The following MYO10 variants were observed in gnomAD, a reference collection of about 807,000 sequenced individuals.
MYO10 encodes the protein myosin X.
In MYO10, 133 loss-of-function variants were observed where a neutral mutation model predicts 257.3. The observed-to-expected ratio is 0.52, with a 90% confidence interval of 0.45 to 0.60. The LOEUF is 0.60. Among genes scored for constraint, MYO10 ranks in the 20% least tolerant of loss-of-function variants. The pLI is 0.00. For synonymous variants in MYO10, 1,104 were observed against 1,028.6 expected, an observed-to-expected ratio of 1.07 and a Z score of -1.40; for missense variants, 2,399 against 2,635.7, an observed-to-expected ratio of 0.91 and a Z score of 1.97.
At chr5:16,742,261 G>A (rs1247902099) in intron 19 of MYO10, 3 of 984,406 alleles carry the variant, frequency 3.0e-6, no homozygotes, top group Non-Finnish European at 3.6e-6. Flanking sequence ...AATTTATCCT[G>A]ATCTCTACAG....
intron 1 of MYO10, chr5:16,916,676 A>C (rs189413233): frequency 6.6e-6 from 1 of 152,514 alleles, no homozygotes; most frequent in African/African-American, 2.4e-5. Flanking sequence ...GCCCTCACCA[A>C]GCTTTTAGAG....
At chr5:16,823,777 C>CG (rs1446016570) in intron 2 of MYO10, among the ~76,000 whole-genome samples, 1 of 122,056 alleles carries the variant, frequency 8.2e-6, no homozygotes, top group African/African-American at 3.0e-5. Context: ...TGGCTGGGGG[C>CG]GGGGGGCGGG....
At chr5:16,851,858 C>G (rs1436871225) in intron 2 of MYO10, among the ~76,000 whole-genome samples, 1 of 151,960 alleles carries the variant, frequency 6.6e-6, no homozygotes, top group African/African-American at 2.4e-5. Context: ...AGAGACCAGC[C>G]TGGCCAACAT....
At chr5:16,906,922 G>C (rs1057104075) in intron 1 of MYO10, among the ~76,000 whole-genome samples, 9 of 152,062 alleles carry the variant, frequency 5.9e-5, no homozygotes, top group African/African-American at 1.4e-4. Flanking sequence ...GACCATCCTG[G>C]CTAACACGAT....
chr5:16,830,777 C>T (rs182075689), intron 2 of MYO10, among the ~76,000 whole-genome samples: 1 of 152,028 alleles, frequency 6.6e-6, no homozygotes, highest in Admixed American at 6.6e-5. Flanking sequence ...ATTTATAGCA[C>T]ATTTACAATA....
intron 3 of MYO10, among the ~76,000 whole-genome samples, chr5:16,807,201 G>C (rs537853450): frequency 1.3e-5 from 2 of 152,260 alleles, no homozygotes; most frequent in Non-Finnish European, 2.9e-5. Flanking sequence ...TTTATCTTGA[G>C]TGCAACTTCA....
At chr5:16,699,363 G>A (rs1053599598) in intron 26 of MYO10, 87 bp downstream of exon 26, 54 of 1,506,276 alleles carry the variant, frequency 3.6e-5, no homozygotes, top group South Asian at 5.2e-5. Flanking sequence ...TAACACCTCC[G>A]TTATTTCCCA....
chr5:16,796,455 A>AGAAC (rs1741968696), intron 3 of MYO10, among the ~76,000 whole-genome samples: 1 of 96,752 alleles, frequency 1.0e-5, no homozygotes, highest in Non-Finnish European at 2.3e-5. Flanking sequence ...AAAGAAAGAA[A>AGAAC]GAAAGAAAGA....
chr5:16,925,197 A>C (rs1746099731), intron 1 of MYO10, among the ~76,000 whole-genome samples: 1 of 152,304 alleles, frequency 6.6e-6, no homozygotes, highest in South Asian at 2.1e-4. Context: ...TTTGGCCATT[A>C]CACTTAACAA....
chr5:16,715,022 A>G (rs1738787504), intron 19 of MYO10, among the ~76,000 whole-genome samples: 1 of 152,008 alleles, frequency 6.6e-6, no homozygotes, highest in Non-Finnish European at 1.5e-5. Context: ...TGGATACCCC[A>G]TTTACCTGAT....
chr5:16,832,602 T>A (rs1452822598), intron 2 of MYO10, among the ~76,000 whole-genome samples: 2 of 152,148 alleles, frequency 1.3e-5, no homozygotes, highest in Non-Finnish European at 2.9e-5. Flanking sequence ...GGATGAGCTC[T>A]CACCTCTGAG....
rs958749384 is a variant in MYO10, at chr5:16,779,432, T to C, written c.930+113A>G. On this transcript the variant is annotated intron_variant, in intron 9 of 40. Transcript: ENST00000513610. The stretch of plus-strand genomic sequence containing the variant: ...ACCTGTTCTCACCCACTGGTCCAAA[T>C]GGAATTACTTCTATTTCTATTTAAA... 2.3e-5 allele frequency: 14 copies of C among 613,886 alleles called. No individual in the cohort carries two copies. In the South Asian group the frequency reaches 3.1e-4, roughly 14 times the overall value. The allele number at this position is 613,886 out of a possible 1,614,324, so 38.0% of individuals were successfully genotyped here. A position where few individuals can be genotyped will look rare whatever the true frequency, so the allele number is the denominator to read the frequency against.
rs564061983 is a variant in MYO10, at chr5:16,900,189, T to C, written c.22-22482A>G. ...CACTGAATTGCACAGGTCGGTTCCT[T>C]ATTTAAGTTATTGGTCGTTCAGAGT... On this transcript the variant is annotated intron_variant, in intron 1 of 40. Transcript: ENST00000513610. Among the ~76,000 whole-genome samples the C allele has an allele frequency of 1.1e-4, 16 of 152,294 alleles. No individual in the cohort carries two copies. The East Asian group carries it at 3.1e-3, about 29-fold the overall frequency.
chr5:16,819,457 T>A (rs1211035786), intron 2 of MYO10, among the ~76,000 whole-genome samples: 3 of 152,198 alleles, frequency 2.0e-5, no homozygotes, highest in Non-Finnish European at 2.9e-5. Flanking sequence ...AATCATTTGA[T>A]TGCGGAGTTC....
At chr5:16,929,968 T>C (rs932634332) in intron 1 of MYO10, among the ~76,000 whole-genome samples, 4 of 152,150 alleles carry the variant, frequency 2.6e-5, no homozygotes, top group African/African-American at 9.7e-5. Context: ...CTTCCCGCCA[T>C]AAAATAATCT....
intron 28 of MYO10, 55 bp from the exon 29 acceptor site, chr5:16,685,886 C>G (rs1737232918): frequency 7.4e-7 from 1 of 1,346,870 alleles, no homozygotes; most frequent in African/African-American, 1.4e-5. Flanking sequence ...ACTGGCAAAG[C>G]AATAGTGCCC....
chr5:16,753,176 T>C (rs189783585), intron 19 of MYO10, among the ~76,000 whole-genome samples: 71 of 152,334 alleles, frequency 4.7e-4, no homozygotes, highest in African/African-American at 1.7e-3. Flanking sequence ...TTGTTTTTGT[T>C]TGTTTGTTTT....
chr5:16,885,700 G>T (rs1744878131), intron 1 of MYO10, among the ~76,000 whole-genome samples: 2 of 152,048 alleles, frequency 1.3e-5, no homozygotes, highest in South Asian at 4.2e-4. Flanking sequence ...AAACGGCGGG[G>T]GTTGGGGGGT....
intron 24 of MYO10, among the ~76,000 whole-genome samples, 197 bp from the exon 25 acceptor site, chr5:16,702,035 G>C (rs943159265): frequency 1.3e-5 from 2 of 152,200 alleles, no homozygotes; most frequent in Non-Finnish European, 2.9e-5. Flanking sequence ...GGGAGACTAA[G>C]TTAAAATGAG....
Sources: gnomAD v4.1 joint callset for allele counts (sites outside exome capture counted in the v4.1 genomes callset) on GRCh38, gnomAD v4.1.1 for gene constraint, MANE v1.5 for transcripts, NCBI Gene and HGNC (gene_info 2026-07-23, HGNC 2026-07-21) for gene names.